Variants in TRIP4 observed in about 807,000 individuals in gnomAD.
TRIP4 encodes activating signal cointegrator 1.
TRIP4 carries 54 observed loss-of-function variants against 81.8 expected under a neutral mutation model. That is an observed-to-expected ratio of 0.66 (90% CI 0.53 to 0.83). The LOEUF is 0.83. Ranked by LOEUF, TRIP4 falls within the 40% of genes least tolerant of loss-of-function variation. The probability of loss-of-function intolerance (pLI) is 0.00; values close to 1 mark genes in which losing one functional copy is unlikely to be tolerated. For missense variants in TRIP4, 662 were observed against 683.6 expected, an observed-to-expected ratio of 0.97 and a Z score of 0.35; for synonymous variants, 270 against 242.8, an observed-to-expected ratio of 1.11 and a Z score of -1.04.
intron 9 of TRIP4, among the ~76,000 whole-genome samples, chr15:64,423,333 C>T (rs1353510560): frequency 2.6e-5 from 4 of 151,678 alleles, no homozygotes; most frequent in Non-Finnish European, 4.4e-5. Flanking sequence ...TGTGGTGGCA[C>T]GTGCGTGTAG....
At chr15:64,423,122 C>G (rs948377378) in intron 9 of TRIP4, among the ~76,000 whole-genome samples, 1 of 152,098 alleles carries the variant, frequency 6.6e-6, no homozygotes, top group African/African-American at 2.4e-5. Context: ...TTTTTTCAAA[C>G]TAGTCCACAA....
chr15:64,416,108 A>G (rs1050157311), intron 8 of TRIP4, among the ~76,000 whole-genome samples: 1 of 152,098 alleles, frequency 6.6e-6, no homozygotes, highest in African/African-American at 2.4e-5. Flanking sequence ...ATACACATCT[A>G]TAGTCCCAGA....
chr15:64,452,889 T>G (rs74638725), intron 12 of TRIP4, among the ~76,000 whole-genome samples: 3 of 152,076 alleles, frequency 2.0e-5, no homozygotes, highest in African/African-American at 7.2e-5. Context: ...GGATTAAAAC[T>G]GAGTTTTTCA....
chr15:64,409,789 T>A lies in TRIP4; in HGVS notation c.1004T>A (p.Ile335Asn). 1 of 1,614,064 alleles carries A rather than the reference T, an allele frequency of 6.2e-7. No individual in the cohort carries two copies. The highest frequency in any genetic ancestry group is 8.5e-7 in the Non-Finnish European group (1 of 1,180,044). The change falls in exon 7 of 13, where the codon ATC becomes AAC. Residue 335 changes from isoleucine to asparagine, a missense_variant. By Grantham distance (149) the Ile-to-Asn change is moderately radical (BLOSUM62 -3). Transcript: ENST00000261884. ...ACCATTGACTTTGCAGGAAGGAAGA[T>A]CCTGGAAGAAGAAAATTCACTAGCA... ...KVTIDFAGRK[I>N]LEEENSLAEY...
intron 12 of TRIP4, chr15:64,450,822 T>C (rs1221852940): frequency 2.2e-6 from 1 of 449,958 alleles, no homozygotes; most frequent in African/African-American, 2.0e-5. Flanking sequence ...TTCTGATGGG[T>C]TGATCTTACC....
intron 11 of TRIP4, among the ~76,000 whole-genome samples, 185 bp downstream of exon 11, chr15:64,425,816 G>C (rs963621438): frequency 5.3e-5 from 8 of 152,140 alleles, no homozygotes; most frequent in Non-Finnish European, 1.0e-4. Flanking sequence ...GGCGCTGGTG[G>C]CTCAGGCCTG....
chr15:64,411,605 T>TA (rs1295171085), intron 7 of TRIP4, among the ~76,000 whole-genome samples: 1 of 150,744 alleles, frequency 6.6e-6, no homozygotes, highest in Admixed American at 6.6e-5. Flanking sequence ...GACCCCACCT[T>TA]AAAAAAAAGT....
chr15:64,452,861 T>C (rs938612207), intron 12 of TRIP4, among the ~76,000 whole-genome samples: 1 of 152,138 alleles, frequency 6.6e-6, no homozygotes, highest in Non-Finnish European at 1.5e-5. Context: ...CTCAAGGTTA[T>C]ACAGCTAGGA....
At chr15:64,447,142 A>C (rs1001862606) in intron 12 of TRIP4, among the ~76,000 whole-genome samples, 10 of 151,802 alleles carry the variant, frequency 6.6e-5, no homozygotes, top group African/African-American at 1.7e-4. Flanking sequence ...AACAAAAAAA[A>C]CACACATATA....
chr15:64,443,757 C>G (rs1213071989), intron 11 of TRIP4, among the ~76,000 whole-genome samples: 1 of 152,080 alleles, frequency 6.6e-6, no homozygotes, highest in Non-Finnish European at 1.5e-5. Flanking sequence ...TGCGGTGGCT[C>G]TCTCCTATAA....
chr15:64,392,921 TTC>T (rs1329352523), intron 1 of TRIP4, among the ~76,000 whole-genome samples: 1 of 152,040 alleles, frequency 6.6e-6, no homozygotes, highest in East Asian at 1.9e-4. Flanking sequence ...AGACAGAATA[TTC>T]TCTTAGTGAG....
At chr15:64,442,742 C>T (rs1193089537) in intron 11 of TRIP4, among the ~76,000 whole-genome samples, 2 of 151,762 alleles carry the variant, frequency 1.3e-5, no homozygotes, top group Non-Finnish European at 2.9e-5. Context: ...AATCCCAGCA[C>T]TTTGGGAGGC....
intron 12 of TRIP4, chr15:64,450,583 ACT>A: frequency 2.3e-6 from 1 of 435,084 alleles, no homozygotes; most frequent in Non-Finnish European, 4.7e-6. Context: ...ATTGGCAATC[ACT>A]CTGTTAGACG....
At chr15:64,402,770 C>T (rs1891540279) in intron 5 of TRIP4, among the ~76,000 whole-genome samples, 1 of 152,090 alleles carries the variant, frequency 6.6e-6, no homozygotes, top group East Asian at 1.9e-4. Flanking sequence ...AGATGATCTG[C>T]CCACCTCAAC....
chr15:64,447,204 C>T (rs28510150), intron 12 of TRIP4, among the ~76,000 whole-genome samples: 6,640 of 152,250 alleles, frequency 0.044, 472 homozygotes, highest in African/African-American at 0.15. Context: ...ATCAGCAACT[C>T]TCCCATTTGC....
rs768009922 is a variant in TRIP4, at chr15:64,424,122, C to T, written c.1450C>T (p.Leu484Phe). The T allele has an allele frequency of 2.9e-5, 47 of 1,614,080 alleles. 3 individuals carry two copies. In the South Asian group the frequency reaches 4.7e-4, roughly 16 times the overall value. The change falls in exon 10 of 13, where the codon CTC becomes TTC. Residue 484 changes from leucine to phenylalanine, a missense_variant. Leu to Phe is a conservative substitution (Grantham distance 22, BLOSUM62 0). Transcript: ENST00000261884. ...KKPSPQEVSE[L>F]QATYRLLRGK... The stretch of plus-strand genomic sequence containing the variant: ...ACCCTCCCCTCAAGAAGTCTCAGAA[C>T]TCCAGGCTACATATCGTCTTCTTCG...
chr15:64,395,546 A>T lies in TRIP4; in HGVS notation c.405+15A>T. 6.3e-7 allele frequency: 1 copy of T among 1,595,768 alleles called. No individual in the cohort carries two copies. The highest frequency in any genetic ancestry group is 2.2e-5 in the East Asian group (1 of 44,658). On this transcript the variant is annotated intron_variant, in intron 3 of 12. Coordinates refer to ENST00000261884, the MANE Select transcript of TRIP4 (RefSeq NM_016213.5). ...ATTTGGCCAAGGTGAGTGCTTATAG[A>T]TTGAAGCTTTTTCTGACTATTGGAG... is the stretch of plus-strand genomic sequence containing the variant.
chr15:64,431,697 C>T (rs755290043), intron 11 of TRIP4, among the ~76,000 whole-genome samples: 9 of 150,554 alleles, frequency 6.0e-5, no homozygotes, highest in Non-Finnish European at 1.3e-4. Flanking sequence ...CAGCGTGAGA[C>T]TCCATCTCAA....
chr15:64,406,759 C>T (rs574970634), intron 6 of TRIP4, among the ~76,000 whole-genome samples: 1 of 152,302 alleles, frequency 6.6e-6, no homozygotes, highest in Non-Finnish European at 1.5e-5. Context: ...TGTAGCCATT[C>T]ATTCAGTCAC....
Sources: gnomAD v4.1 joint callset for allele counts (sites outside exome capture counted in the v4.1 genomes callset) on GRCh38, gnomAD v4.1.1 for gene constraint, MANE v1.5 for transcripts, NCBI Gene and HGNC (gene_info 2026-07-23, HGNC 2026-07-21) for gene names.